LSP1: variants seen among roughly 807,000 people sequenced by gnomAD.
The protein encoded by LSP1 is lymphocyte-specific protein 1.
A neutral mutation model predicts 49.3 loss-of-function variants in LSP1; 32 were observed. The observed-to-expected ratio is 0.65, with a 90% CI of 0.49 to 0.87. LSP1 has a LOEUF of 0.87. Ranked by LOEUF, LSP1 falls within the 40% of genes least tolerant of loss-of-function variation. LSP1 has a pLI of 0.00. For missense variants in LSP1, 428 were observed against 442.6 expected (o/e 0.97, Z 0.30); for synonymous variants, 179 against 178.8 (o/e 1.00, Z -0.01).
At chr11:1,856,777 C>A (rs1440191813) in intron 1 of LSP1, among the ~76,000 whole-genome samples, 1 of 152,248 alleles carries the variant, frequency 6.6e-6, no homozygotes, top group Non-Finnish European at 1.5e-5. Flanking sequence ...GCCCTCCCGC[C>A]CACCTGCCCT....
intron 3 of LSP1, among the ~76,000 whole-genome samples, chr11:1,882,508 G>T (rs1848585538): frequency 6.6e-6 from 1 of 152,110 alleles, no homozygotes; most frequent in Non-Finnish European, 1.5e-5. Flanking sequence ...CCCTCCCTGG[G>T]CCTCAGTCTC....
chr11:1,861,938 A>G (rs1357063820), intron 1 of LSP1, among the ~76,000 whole-genome samples: 45 of 88,618 alleles, frequency 5.1e-4, no homozygotes, highest in East Asian at 8.2e-4. Context: ...TGGATTGATG[A>G]GTGGATGGAT....
At chr11:1,878,041 G>A (rs1195911134) in intron 1 of LSP1, among the ~76,000 whole-genome samples, 1 of 152,080 alleles carries the variant, frequency 6.6e-6, no homozygotes, top group African/African-American at 2.4e-5. Context: ...GCTGGAGTGA[G>A]GGCCCTGGAC....
intron 3 of LSP1, 81 bp from the exon 4 acceptor site, chr11:1,883,338 A>T: frequency 6.5e-7 from 1 of 1,535,696 alleles, no homozygotes; most frequent in South Asian, 1.2e-5. Flanking sequence ...CAGATGGGGA[A>T]ACTGAGGCTT....
chr11:1,859,082 A>T (rs1293677944), intron 1 of LSP1, among the ~76,000 whole-genome samples: 2 of 152,164 alleles, frequency 1.3e-5, no homozygotes, highest in Non-Finnish European at 2.9e-5. Context: ...CCCTGACCTC[A>T]GTGCTTGGAG....
chr11:1,854,307 C>T (rs1046788674), intron 1 of LSP1, among the ~76,000 whole-genome samples: 5 of 152,112 alleles, frequency 3.3e-5, no homozygotes, highest in Admixed American at 6.5e-5. Flanking sequence ...CCCAGGGTGA[C>T]GCTCACATAC....
intron 7 of LSP1, among the ~76,000 whole-genome samples, chr11:1,886,061 T>C (rs1848736719): frequency 6.6e-6 from 1 of 151,834 alleles, no homozygotes; most frequent in Non-Finnish European, 1.5e-5. Flanking sequence ...TCAATATTCC[T>C]CCATCCAACC....
chr11:1,870,131 C>T (rs796998430), intron 1 of LSP1: 15 of 540,074 alleles, frequency 2.8e-5, no homozygotes, highest in Admixed American at 9.4e-5. Flanking sequence ...CCTCTTTAAA[C>T]GGGGATGTCT....
At chr11:1,853,796 G>T (rs1847420590) in intron 1 of LSP1, among the ~76,000 whole-genome samples, 1 of 152,216 alleles carries the variant, frequency 6.6e-6, no homozygotes, top group South Asian at 2.1e-4. Flanking sequence ...ACCGTGTGTT[G>T]GTTGGAGTGG....
intron 10 of LSP1, chr11:1,889,195 G>A (rs772822944): frequency 1.5e-6 from 1 of 674,956 alleles, no homozygotes; most frequent in South Asian, 1.6e-5. Flanking sequence ...TTGGGCTGGG[G>A]GCTCAGCTCC....
At chr11:1,883,705 G>A in intron 4 of LSP1, 145 bp downstream of exon 4, 1 of 1,110,824 alleles carries the variant, frequency 9.0e-7, no homozygotes, top group Non-Finnish European at 1.3e-6. Context: ...AGCCCCTTCT[G>A]GGCCCACATT....
At position 1,869,611 on chromosome 11, in the gene LSP1, G is replaced by GC. The variant is rs201901721; in HGVS notation, c.54-10474dup. ...CCCACGTGGGCCGCACCTAGCAGGT[G>GC]CCGGGGCAGAAGGCTCAGAGCCGCT... On this transcript the variant is annotated intron_variant, in intron 1 of 10. Coordinates refer to ENST00000311604, the MANE Select transcript of LSP1 (RefSeq NM_002339.3). 4.0e-3 allele frequency: 1,900 copies of GC among 470,368 alleles called. 30 individuals are homozygous for GC. The highest frequency in any genetic ancestry group is 0.031 in the African/African-American group (1,530 of 50,104). The allele number at this position is 470,368 out of a possible 1,614,324, so 29.1% of individuals were successfully genotyped here.
chr11:1,871,022 G>A (rs1360151102), intron 1 of LSP1: 3 of 985,648 alleles, frequency 3.0e-6, no homozygotes, highest in Non-Finnish European at 3.6e-6. Context: ...CAGGCACCGA[G>A]TGGGGCTGCA....
At chr11:1,855,256 C>T (rs192230812) in intron 1 of LSP1, among the ~76,000 whole-genome samples, 3 of 152,194 alleles carry the variant, frequency 2.0e-5, no homozygotes, top group Admixed American at 1.3e-4. Context: ...AAGTCCCCTG[C>T]ACCCAGGCAG....
intron 10 of LSP1, chr11:1,889,321 C>T (rs749026914): frequency 1.8e-5 from 13 of 709,258 alleles, no homozygotes; most frequent in Admixed American, 6.0e-5. Flanking sequence ...TGCTCCCCAC[C>T]GCTGGGCCCT....
chr11:1,880,568 CT>C, intron 2 of LSP1: 1 of 246,384 alleles, frequency 4.1e-6, no homozygotes, highest in Non-Finnish European at 7.8e-6. Context: ...CCACGTCCAA[CT>C]TGGCGGCCAG....
intron 1 of LSP1, chr11:1,866,665 G>A (rs565801400): frequency 2.3e-4 from 361 of 1,550,284 alleles, no homozygotes; most frequent in Non-Finnish European, 3.0e-4. Context: ...CCTGCCCAAC[G>A]GGAATGTGTT....
rs752011415 is a variant in LSP1, at chr11:1,884,230, G to A, written c.592-50G>A. On this transcript the variant is annotated intron_variant, in intron 5 of 10. Transcript: ENST00000311604. This position sits in a 1 kb window ranked among gnomAD's most constrained non-coding sequence, Gnocchi z 4.1. Reference sequence around the variant, plus strand: ...TGGAGTAGCTGGGGAGATGGAGGGTGGGCTTTACCTCGGCTGCTGCAGGCC... The same window carrying A: ...TGGAGTAGCTGGGGAGATGGAGGGTAGGCTTTACCTCGGCTGCTGCAGGCC... The A allele has an allele frequency of 1.9e-6, 3 of 1,605,726 alleles. No homozygotes were observed. The highest frequency in any genetic ancestry group is 3.3e-5 in the Admixed American group (2 of 60,014).
intron 3 of LSP1, 110 bp from the exon 4 acceptor site, chr11:1,883,309 C>G: frequency 7.2e-7 from 1 of 1,386,924 alleles, no homozygotes; most frequent in Non-Finnish European, 1.0e-6. Context: ...ACTCAAGTAG[C>G]CTGACTACCT....
Sources: allele counts gnomAD v4.1 joint callset (sites outside exome capture counted in the v4.1 genomes callset), GRCh38; gene constraint gnomAD v4.1.1; non-coding constraint Gnocchi (gnomAD v3.1); transcripts MANE v1.5; gene names NCBI Gene and HGNC (gene_info 2026-07-23, HGNC 2026-07-21).